DISC1: variants seen among roughly 807,000 people sequenced by gnomAD.
The protein encoded by DISC1 is disrupted in schizophrenia 1 protein.
In DISC1, 57 loss-of-function variants were observed where a neutral mutation model predicts 84.5. That is an observed-to-expected ratio of 0.67 (90% CI 0.55 to 0.84). The LOEUF is 0.84. Among genes scored for constraint, DISC1 ranks in the 40% least tolerant of loss-of-function variants. DISC1 has a pLI of 0.00. For synonymous variants in DISC1, 411 were observed against 415.2 expected (o/e 0.99, Z 0.12); for missense variants, 1,000 against 1,057.8 (o/e 0.95, Z 0.76).
chr1:231,959,361 A>G (rs1445393798), intron 10 of DISC1: 2 of 985,750 alleles, frequency 2.0e-6, no homozygotes, highest in Admixed American at 1.2e-4. Context: ...CCCAATTAGG[A>G]ATTCATCTTT....
At chr1:231,837,751 C>T (rs904002216) in intron 9 of DISC1, among the ~76,000 whole-genome samples, 5 of 152,108 alleles carry the variant, frequency 3.3e-5, no homozygotes, top group Admixed American at 6.5e-5. Context: ...TCTTATGGAA[C>T]TTGTAGAGGG....
chr1:231,716,152 G>A (rs2068678277), intron 3 of DISC1, among the ~76,000 whole-genome samples: 2 of 152,052 alleles, frequency 1.3e-5, no homozygotes, highest in Admixed American at 6.6e-5. Context: ...ACCCCCGGGT[G>A]CTACATGTTA....
At chr1:231,735,780 T>C (rs2072402250) in intron 3 of DISC1, among the ~76,000 whole-genome samples, 2 of 152,218 alleles carry the variant, frequency 1.3e-5, no homozygotes, top group African/African-American at 4.8e-5. Context: ...GTTTATCTTA[T>C]TCCTCATCCA....
intron 10 of DISC1, among the ~76,000 whole-genome samples, chr1:232,002,603 A>G (rs1357160541): frequency 3.1e-5 from 2 of 64,946 alleles, no homozygotes; most frequent in African/African-American, 1.3e-4. Flanking sequence ...GAGCACACAC[A>G]CACACACACA....
rs964940088 is a variant in DISC1, at chr1:231,767,269, G to A, written c.1398G>A (p.Gln466=). Residue 466 remains glutamine (Q), a splice_region_variant and synonymous_variant, in exon 5 of 13, where the codon CAG becomes CAA. Coordinates refer to ENST00000439617, the MANE Select transcript of DISC1 (RefSeq NM_018662.3). The part of the protein sequence containing the change: ...DWLLQEKQQL[Q]KEIEALQARM... ...TTCTTCAGGAAAAGCAGCAGCTACA[G>A]GTGAGCAGGTGAAAGATCTTCAAGA... 6.2e-7 allele frequency: 1 copy of A among 1,614,036 alleles called. No individual in the cohort carries two copies. Among genetic ancestry groups the A allele is most frequent in the African/African-American group, 1.3e-5 (1 of 74,928 alleles).
intron 4 of DISC1, among the ~76,000 whole-genome samples, chr1:231,751,997 T>C (rs549948428): frequency 1.1e-4 from 17 of 152,316 alleles, no homozygotes; most frequent in African/African-American, 2.9e-4. Context: ...CCAGGCCCAA[T>C]AGAAGCTAAG....
At chr1:231,732,767 G>A (rs1219234918) in intron 3 of DISC1, among the ~76,000 whole-genome samples, 4 of 152,222 alleles carry the variant, frequency 2.6e-5, no homozygotes, top group Non-Finnish European at 1.5e-5. Flanking sequence ...TGGATAGTTT[G>A]CTCTTTCTAC....
At chr1:231,898,470 T>C (rs1558706240) in intron 9 of DISC1, among the ~76,000 whole-genome samples, 2 of 152,206 alleles carry the variant, frequency 1.3e-5, no homozygotes, top group Admixed American at 6.5e-5. Flanking sequence ...GAAGATTTTC[T>C]TTAATTGAAC....
rs144253749 is a variant in DISC1 at position 231,892,219 on chromosome 1, A to G, written c.1982-66609A>G. On this transcript the variant is annotated intron_variant, in intron 9 of 12. Coordinates refer to ENST00000439617, the MANE Select transcript of DISC1 (RefSeq NM_018662.3). ...GACGTGGGTGTCAGGAAGAAGAAGC[A>G]GTATATGATTCCACAACAGTAATTT... is the stretch of plus-strand genomic sequence containing the variant. 5.5e-3 allele frequency among the ~76,000 whole-genome samples: 840 copies of G among 152,340 alleles called. 1 individual carries two copies. Among genetic ancestry groups the G allele is most frequent in the Non-Finnish European group, 8.5e-3 (580 of 68,024 alleles).
intron 12 of DISC1, among the ~76,000 whole-genome samples, chr1:232,027,952 A>G (rs971793113): frequency 1.3e-5 from 2 of 152,096 alleles, no homozygotes; most frequent in Non-Finnish European, 2.9e-5. Context: ...GACCTTGTTT[A>G]TTAAGCTGGG....
rs998380738 is a variant in DISC1, at chr1:231,642,098, G to A, written c.67+15164G>A. The stretch of plus-strand genomic sequence containing the variant: ...GCAGGTCCCCAGCCCTGCCCCGCGG[G>A]AAGGCAGCCAAGGCCTTGCGAGAAA... On this transcript the variant is annotated intron_variant, in intron 1 of 12. Coordinates refer to ENST00000439617, the MANE Select transcript of DISC1 (RefSeq NM_018662.3). Among the ~76,000 whole-genome samples the A allele has an allele frequency of 2.6e-5, 4 of 152,338 alleles. No individual in the cohort carries two copies. In the South Asian group the frequency reaches 6.2e-4, roughly 24 times the overall value.
chr1:231,843,198 A>C (rs576578619), intron 9 of DISC1, among the ~76,000 whole-genome samples: 1 of 152,338 alleles, frequency 6.6e-6, no homozygotes, highest in South Asian at 2.1e-4. Flanking sequence ...GGAGAAAAGT[A>C]TGGAAAGCCC....
intron 3 of DISC1, chr1:231,723,689 T>C: frequency 1.0e-6 from 1 of 985,526 alleles, no homozygotes; most frequent in Non-Finnish European, 1.2e-6. Flanking sequence ...AGTGTTATTC[T>C]CAAATTCAGT....
intron 9 of DISC1, among the ~76,000 whole-genome samples, chr1:231,823,432 A>G (rs2081640137): frequency 6.6e-6 from 1 of 152,228 alleles, no homozygotes; most frequent in South Asian, 2.1e-4. Flanking sequence ...TGAGAATATG[A>G]TGTGATAATG....
intron 10 of DISC1, among the ~76,000 whole-genome samples, chr1:231,996,191 TG>T (rs1665927715): frequency 6.6e-6 from 1 of 152,172 alleles, no homozygotes; most frequent in African/African-American, 2.4e-5. Context: ...TGGGGTTGTT[TG>T]TTTTTTTCTT....
At chr1:231,733,248 G>T (rs2071845864) in intron 3 of DISC1, among the ~76,000 whole-genome samples, 2 of 151,556 alleles carry the variant, frequency 1.3e-5, no homozygotes, top group Admixed American at 6.6e-5. Flanking sequence ...AGGAGTGGTG[G>T]TGATGGTAGA....
At chr1:231,805,367 T>A (rs1480842519) in intron 8 of DISC1, among the ~76,000 whole-genome samples, 2 of 152,132 alleles carry the variant, frequency 1.3e-5, no homozygotes, top group Non-Finnish European at 2.9e-5. Context: ...CTTATGATTC[T>A]GCAAATTGTA....
At chr1:231,948,861 A>ATTTTT (rs58931988) in intron 9 of DISC1, among the ~76,000 whole-genome samples, 4 of 94,452 alleles carry the variant, frequency 4.2e-5, no homozygotes, top group African/African-American at 4.3e-5. Context: ...TCCTGTGTTA[A>ATTTTT]TTTTTTTTTT....
intron 9 of DISC1, among the ~76,000 whole-genome samples, chr1:231,843,029 G>A (rs536769293): frequency 6.7e-4 from 102 of 152,122 alleles, no homozygotes; most frequent in African/African-American, 2.4e-3. Flanking sequence ...TACCATCCTG[G>A]TCCTCTAGAA....
Sources: allele counts gnomAD v4.1 joint callset (sites outside exome capture counted in the v4.1 genomes callset), GRCh38; gene constraint gnomAD v4.1.1; transcripts MANE v1.5; gene names NCBI Gene and HGNC (gene_info 2026-07-23, HGNC 2026-07-21).